The following TRAM1 variants were observed in gnomAD, a reference collection of about 807,000 sequenced individuals.
TRAM1 encodes translocating chain-associated membrane protein 1.
Under a neutral mutation model 48.7 loss-of-function variants are expected in TRAM1, and 17 were observed. That is an observed-to-expected ratio of 0.35 (90% confidence interval 0.24 to 0.52). The LOEUF (loss-of-function observed/expected upper bound fraction) is 0.52. Ranked by LOEUF, TRAM1 falls within the 20% of genes least tolerant of loss-of-function variation. The probability of loss-of-function intolerance (pLI) is 0.94; values close to 1 mark genes in which losing one functional copy is unlikely to be tolerated. For missense variants in TRAM1, 351 were observed against 441.5 expected (o/e 0.79, Z 1.84); for synonymous variants, 182 against 154.0 (o/e 1.18, Z -1.34).
chr8:70,585,387 C>T lies in TRAM1; in HGVS notation c.746+1508G>A, dbSNP rs528041092. Among the ~76,000 whole-genome samples, 800 of 152,132 alleles carry T rather than the reference C, an allele frequency of 5.3e-3. 9 individuals carry two copies. The highest frequency in any genetic ancestry group is 0.018 in the African/African-American group (767 of 41,508). On this transcript the variant is annotated intron_variant, in intron 8 of 10. Coordinates refer to ENST00000262213, the MANE Select transcript of TRAM1 (RefSeq NM_014294.6). ...ATGGGCAAGGACTTCATGTCTAAAACACCAAAAGCAATGGCAACAAAAGCC... is the reference window on the plus strand; with the variant it reads ...ATGGGCAAGGACTTCATGTCTAAAATACCAAAAGCAATGGCAACAAAAGCC...
chr8:70,596,789 A>C (rs914483083), intron 4 of TRAM1, among the ~76,000 whole-genome samples: 1 of 151,234 alleles, frequency 6.6e-6, no homozygotes, highest in African/African-American at 2.4e-5. Context: ...TTAGATAATC[A>C]GATCTACTCA....
intron 10 of TRAM1, among the ~76,000 whole-genome samples, chr8:70,580,264 C>T (rs1188582586): frequency 1.3e-5 from 2 of 152,110 alleles, no homozygotes; most frequent in African/African-American, 4.8e-5. Context: ...AAAATATACT[C>T]CAATTATCCT....
rs188168401 is a variant in TRAM1, at chr8:70,595,944, G to A, written c.485+319C>T. 1.8e-3 allele frequency among the ~76,000 whole-genome samples: 276 copies of A among 152,042 alleles called. 1 individual carries two copies. The highest frequency in any genetic ancestry group is 3.4e-3 in the Non-Finnish European group (228 of 67,946). ...GACAGGGGGTGGGGACAAAGAAAAG[G>A]AGCAAAAATATAGAGAAGATGGAGT... On this transcript the variant is annotated intron_variant, in intron 5 of 10. Coordinates refer to ENST00000262213, the MANE Select transcript of TRAM1 (RefSeq NM_014294.6).
intron 1 of TRAM1, among the ~76,000 whole-genome samples, chr8:70,601,549 G>A (rs1254644465): frequency 6.6e-6 from 1 of 152,178 alleles, no homozygotes; most frequent in Non-Finnish European, 1.5e-5. Flanking sequence ...GATCATGCCT[G>A]TTTCCACTCA....
chr8:70,605,226 A>G (rs2132049128), intron 1 of TRAM1, among the ~76,000 whole-genome samples: 1 of 152,304 alleles, frequency 6.6e-6, no homozygotes. Context: ...CACCTTTTGG[A>G]AGTCAAGTAT....
intron 10 of TRAM1, among the ~76,000 whole-genome samples, chr8:70,578,872 A>G (rs1464137050): frequency 6.6e-6 from 1 of 152,240 alleles, no homozygotes; most frequent in Admixed American, 6.5e-5. Flanking sequence ...GAATTCAGCG[A>G]AAGTGATGTA....
chr8:70,603,309 C>CGT (rs1817647883), intron 1 of TRAM1, among the ~76,000 whole-genome samples: 1 of 67,926 alleles, frequency 1.5e-5, no homozygotes, highest in Admixed American at 1.4e-4. Flanking sequence ...TTTATACACA[C>CGT]ACACACACAC....
intron 6 of TRAM1, among the ~76,000 whole-genome samples, chr8:70,589,869 A>C (rs547484068): frequency 3.3e-5 from 5 of 152,134 alleles, no homozygotes; most frequent in African/African-American, 9.6e-5. Context: ...CAAAACAAAA[A>C]CCCAAAATAT....
At chr8:70,599,788 G>A (rs1429333184) in intron 2 of TRAM1, among the ~76,000 whole-genome samples, 2 of 152,184 alleles carry the variant, frequency 1.3e-5, no homozygotes, top group Non-Finnish European at 2.9e-5. Flanking sequence ...TTATTTTATG[G>A]AATTTCAAGT....
At chr8:70,592,648 A>AT (rs1470603077) in intron 6 of TRAM1, among the ~76,000 whole-genome samples, 1 of 152,234 alleles carries the variant, frequency 6.6e-6, no homozygotes, top group Non-Finnish European at 1.5e-5. Context: ...TACCATAGTC[A>AT]ATGAAGAAGA....
chr8:70,607,175 G>T, intron 1 of TRAM1: 1 of 985,308 alleles, frequency 1.0e-6, no homozygotes, highest in Non-Finnish European at 1.2e-6. Context: ...AAAAACGTAG[G>T]ATGTTACTCG....
At chr8:70,592,912 G>C (rs1042384065) in intron 6 of TRAM1, among the ~76,000 whole-genome samples, 1 of 152,042 alleles carries the variant, frequency 6.6e-6, no homozygotes, top group Non-Finnish European at 1.5e-5. Flanking sequence ...AGTCAATTTC[G>C]TTTTTGTTTT....
intron 1 of TRAM1, among the ~76,000 whole-genome samples, chr8:70,600,577 A>T (rs979719700): frequency 6.6e-6 from 1 of 152,214 alleles, no homozygotes; most frequent in Non-Finnish European, 1.5e-5. Context: ...TGGTAAAAGT[A>T]AACTGGTCAG....
chr8:70,607,291 C>T (rs1230635206), intron 1 of TRAM1: 1 of 985,410 alleles, frequency 1.0e-6, no homozygotes, highest in Non-Finnish European at 1.2e-6. Context: ...TTCCCATCCT[C>T]TCCTACTTCA....
At position 70,574,422 on chromosome 8, in the gene TRAM1, CA is replaced by C. The variant is rs1370307203; in HGVS notation, c.*509del. 1 of 217,398 alleles carries C rather than the reference CA, an allele frequency of 4.6e-6. No individual in the cohort carries two copies. Among genetic ancestry groups the C allele is most frequent in the African/African-American group, 2.4e-5 (1 of 41,904 alleles). 13.5% of individuals were successfully genotyped at this position (217,398 alleles called of 1,614,324 possible). A position where few individuals can be genotyped will look rare whatever the true frequency, so the allele number is the denominator to read the frequency against. The stretch of plus-strand genomic sequence containing the variant: ...GCACACAATTGTTCCGGTGATTTTA[CA>C]AATCTTTTTTTCCAGGTGTAAAGTC... On this transcript the variant is annotated 3_prime_UTR_variant, in exon 11 of 11. Coordinates refer to ENST00000262213, the MANE Select transcript of TRAM1 (RefSeq NM_014294.6).
rs528473036 is a variant in TRAM1 at position 70,582,867 on chromosome 8, G to A, written c.1051+297C>T. ...GCTTGAAAACAAACTACCATCCTCA[G>A]GTTTAGTTTAAACCTGCCCATAAAG... On this transcript the variant is annotated intron_variant, in intron 10 of 10. Coordinates refer to ENST00000262213, the MANE Select transcript of TRAM1 (RefSeq NM_014294.6). 7.7e-4 allele frequency among the ~76,000 whole-genome samples: 117 copies of A among 152,112 alleles called. 1 individual carries two copies. Among genetic ancestry groups the A allele is most frequent in the Non-Finnish European group, 1.0e-3 (70 of 68,012 alleles).
intron 2 of TRAM1, 40 bp from the exon 3 acceptor site, chr8:70,598,295 C>G (rs980436944): frequency 7.7e-6 from 12 of 1,560,004 alleles, no homozygotes; most frequent in Middle Eastern, 3.7e-4. Context: ...AAAATATACA[C>G]AAGGTTATAA....
rs1816871520 is a variant in TRAM1 at position 70,573,709 on chromosome 8, A to T, written c.*1223T>A. ...GTGACACAAGTGAGAAATGGGGAAC[A>T]AGATGTGAACACTGAAAAGAACAAT... is the stretch of plus-strand genomic sequence containing the variant. On this transcript the variant is annotated 3_prime_UTR_variant, in exon 11 of 11. Coordinates refer to ENST00000262213, the MANE Select transcript of TRAM1 (RefSeq NM_014294.6). 6.6e-6 allele frequency: 1 copy of T among 152,632 alleles called. No individual in the cohort carries two copies. The highest frequency in any genetic ancestry group is 1.9e-4 in the East Asian group (1 of 5,204). 9.5% of individuals were successfully genotyped at this position (152,632 alleles called of 1,614,324 possible). A position where few individuals can be genotyped will look rare whatever the true frequency, so the allele number is the denominator to read the frequency against.
Position 70,608,369 on chromosome 8 carries a change from G to C in TRAM1, c.-170C>G, listed in dbSNP as rs1218590999. ...CCAGTACGCAGCCGCCGGGCCGCCC[G>C]GGGGAAAAAAAAAAACACAACAGCT... is the stretch of plus-strand genomic sequence containing the variant. On this transcript the variant is annotated 5_prime_UTR_variant, in exon 1 of 11. Transcript: ENST00000262213. The C allele has an allele frequency of 6.5e-6, 4 of 613,774 alleles. No individual in the cohort carries two copies. The Admixed American group carries it at 1.9e-4, about 30-fold the overall frequency. 38.0% of individuals were successfully genotyped at this position (613,774 alleles called of 1,614,324 possible). A position where few individuals can be genotyped will look rare whatever the true frequency, so the allele number is the denominator to read the frequency against.
Sources: allele counts gnomAD v4.1 joint callset (sites outside exome capture counted in the v4.1 genomes callset), GRCh38; gene constraint gnomAD v4.1.1; transcripts MANE v1.5; gene names NCBI Gene and HGNC (gene_info 2026-07-23, HGNC 2026-07-21).